Variants in KIF1B observed in about 807,000 individuals in gnomAD.
KIF1B encodes the protein kinesin family member 1B.
A neutral mutation model predicts 241.9 loss-of-function variants in KIF1B; 76 were observed. The ratio of observed to expected loss-of-function variants is 0.31; its 90% CI spans 0.26 to 0.38. The LOEUF (loss-of-function observed/expected upper bound fraction) is 0.38, where lower values mean the gene tolerates loss of function less well. Ranked by LOEUF, KIF1B falls within the 10% of genes least tolerant of loss-of-function variation. The probability of loss-of-function intolerance (pLI) is 1.00; values close to 1 mark genes in which losing one functional copy is unlikely to be tolerated. For synonymous variants in KIF1B, 750 were observed against 796.7 expected (o/e 0.94, Z 0.99); for missense variants, 1,622 against 2,271.4 (o/e 0.71, Z 5.81).
Position 10,294,591 on chromosome 1 carries a change from G to C in KIF1B, c.1591-495G>C, listed in dbSNP as rs1191205411. Among the ~76,000 whole-genome samples the C allele has an allele frequency of 2.0e-5, 3 of 152,166 alleles. No individual in the cohort carries two copies. In the East Asian group the frequency reaches 5.8e-4, roughly 29 times the overall value. On this transcript the variant is annotated intron_variant, in intron 17 of 48. Transcript: ENST00000676179. ...ACTCATGTTTTAAAATGGAATGCCA[G>C]GCACAGTGGCTCACTCCTATAGTCC...
intron 14 of KIF1B, among the ~76,000 whole-genome samples, 152 bp downstream of exon 14, chr1:10,279,290 G>T (rs1649283212): frequency 6.6e-6 from 1 of 152,068 alleles, no homozygotes; most frequent in East Asian, 1.9e-4. Context: ...TCCTATTTTT[G>T]CCCTTCTTCA....
intron 1 of KIF1B, among the ~76,000 whole-genome samples, chr1:10,218,893 A>G (rs1646803511): frequency 6.6e-6 from 1 of 152,180 alleles, no homozygotes; most frequent in Admixed American, 6.5e-5. Context: ...AAAGGATTTG[A>G]GCAGCTTACC....
intron 2 of KIF1B, among the ~76,000 whole-genome samples, chr1:10,232,760 C>T (rs375675267): frequency 5.5e-4 from 83 of 152,196 alleles, no homozygotes; most frequent in Non-Finnish European, 8.7e-4. Context: ...ATATACCTAT[C>T]GAGGCTGCAA....
intron 5 of KIF1B, 45 bp from the exon 6 acceptor site, chr1:10,267,335 G>C: frequency 6.3e-7 from 1 of 1,586,626 alleles, no homozygotes; most frequent in Non-Finnish European, 8.6e-7. Flanking sequence ...GCTTCTGTAT[G>C]TGATTTCTTT....
In KIF1B at chr1:10,303,628, G is replaced by A; in HGVS notation, c.2115+6382G>A. 1 of 1,614,228 alleles carries A rather than the reference G, an allele frequency of 6.2e-7. No homozygotes were observed. Among genetic ancestry groups the A allele is most frequent in the South Asian group, 1.1e-5 (1 of 91,076 alleles). ...CATGGCCACTGGGAAAGGCAGCACT[G>A]ATGTAGATGACCTCAAGGTTCATAT... On this transcript the variant is annotated intron_variant, in intron 22 of 48. Coordinates refer to ENST00000676179, the MANE Select transcript of KIF1B (RefSeq NM_001365951.3). This position sits in a 1 kb window ranked among gnomAD's most constrained non-coding sequence, Gnocchi z 5.2.
At chr1:10,279,571 G>T (rs1488811100) in intron 14 of KIF1B, among the ~76,000 whole-genome samples, 1 of 151,628 alleles carries the variant, frequency 6.6e-6, no homozygotes, top group Non-Finnish European at 1.5e-5. Flanking sequence ...TTTTTAGTCA[G>T]CAAAACTATC....
chr1:10,323,986 C>T lies in KIF1B; in HGVS notation c.2461C>T (p.Pro821Ser), dbSNP rs1381096991. 3.1e-6 allele frequency: 5 copies of T among 1,613,962 alleles called. No homozygotes were observed. Among genetic ancestry groups the T allele is most frequent in the Non-Finnish European group, 4.2e-6 (5 of 1,180,006 alleles). Residue 821 changes from proline (P) to serine (S), a missense_variant, in exon 25 of 49, where the codon CCT (proline) becomes TCT (serine). By Grantham distance (74) the Pro-to-Ser change is moderately conservative. Coordinates refer to ENST00000676179, the MANE Select transcript of KIF1B (RefSeq NM_001365951.3). ...MEKTHEDRPF[P>S]RTVVAVEVQD... ...AAAAACTCATGAGGACAGGCCTTTC[C>T]CTCGCACAGTGGTAGCAGTAGAAGT...
In KIF1B at chr1:10,296,877, A is replaced by C. The variant is rs751429277; in HGVS notation, c.1862-20A>C. ...ATTAAAAAAATTATTTCTTAACCCT[A>C]TTTTTCTGTTTTGTGCTAGGAAACC... On this transcript the variant is annotated intron_variant, in intron 20 of 48. Transcript: ENST00000676179. The C allele has an allele frequency of 6.2e-7, 1 of 1,610,404 alleles. No individual in the cohort carries two copies. The highest frequency in any genetic ancestry group is 1.7e-5 in the Admixed American group (1 of 59,936).
At position 10,320,152 on chromosome 1, in the gene KIF1B, C is replaced by A; in HGVS notation, c.2209+16C>A. On this transcript the variant is annotated intron_variant, in intron 23 of 48. Transcript: ENST00000676179. Reference sequence around the variant, plus strand: ...GAGGAAGAAGGTGAAATCTAGAGACCGAAAGTTTCCTGTGTATATCTTTTT... The same window carrying A: ...GAGGAAGAAGGTGAAATCTAGAGACAGAAAGTTTCCTGTGTATATCTTTTT... 1.3e-6 allele frequency: 2 copies of A among 1,537,340 alleles called. No homozygotes were observed. The highest frequency in any genetic ancestry group is 1.8e-6 in the Non-Finnish European group (2 of 1,111,248).
At chr1:10,220,728 T>C (rs1249185540) in intron 1 of KIF1B, among the ~76,000 whole-genome samples, 1 of 152,164 alleles carries the variant, frequency 6.6e-6, no homozygotes, top group African/African-American at 2.4e-5. Context: ...AATGGTATCA[T>C]CTTGGCTCAC....
At chr1:10,298,603 G>GTCACATC (rs1650382648) in intron 22 of KIF1B, among the ~76,000 whole-genome samples, 1 of 152,088 alleles carries the variant, frequency 6.6e-6, no homozygotes, top group Non-Finnish European at 1.5e-5. Flanking sequence ...GGCTTGAAAG[G>GTCACATC]TTTGTGACAC....
rs761028018 is a variant in KIF1B, at chr1:10,374,305, C to T, written c.4947-11C>T. The stretch of plus-strand genomic sequence containing the variant: ...TGTTACCCTTTTCTTTCTAATCTCT[C>T]TATTTTAAAGGACCCCAGAAGCCAA... On this transcript the variant is annotated splice_polypyrimidine_tract_variant and intron_variant, in intron 45 of 48. Coordinates refer to ENST00000676179, the MANE Select transcript of KIF1B (RefSeq NM_001365951.3). This position sits in a 1 kb window ranked among gnomAD's most constrained non-coding sequence, Gnocchi z 4.3. 1.2e-6 allele frequency: 2 copies of T among 1,613,324 alleles called. No homozygotes were observed. Among genetic ancestry groups the T allele is most frequent in the African/African-American group, 1.3e-5 (1 of 75,000 alleles).
chr1:10,320,715 C>CTTAT (rs58385105), intron 23 of KIF1B, among the ~76,000 whole-genome samples: 18 of 151,458 alleles, frequency 1.2e-4, no homozygotes, highest in South Asian at 2.1e-4. Context: ...TATTACATTT[C>CTTAT]TTATTTATTT....
chr1:10,375,990 A>G (rs2102365105), intron 48 of KIF1B, among the ~76,000 whole-genome samples: 1 of 149,684 alleles, frequency 6.7e-6, no homozygotes, highest in South Asian at 2.1e-4. Flanking sequence ...TTTAGTAGAG[A>G]TGGGGTTTCA....
At chr1:10,322,513 C>T (rs1237891579) in intron 24 of KIF1B, among the ~76,000 whole-genome samples, 1 of 152,240 alleles carries the variant, frequency 6.6e-6, no homozygotes, top group African/African-American at 2.4e-5. Flanking sequence ...CAAAACTTCA[C>T]ACCAAACCTT....
At chr1:10,285,010 C>T (rs2102237396) in intron 15 of KIF1B, among the ~76,000 whole-genome samples, 2 of 152,286 alleles carry the variant, frequency 1.3e-5, no homozygotes, top group Middle Eastern at 6.8e-3. Context: ...GTAACTTTTA[C>T]TGTTGGTAAA....
Position 10,278,061 on chromosome 1 carries a change from A to G in KIF1B, c.1113A>G (p.Glu371=), listed in dbSNP as rs1184915196. The G allele has an allele frequency of 1.2e-6, 2 of 1,614,116 alleles. No individual in the cohort carries two copies. Among genetic ancestry groups the G allele is most frequent in the Non-Finnish European group, 1.7e-6 (2 of 1,179,972 alleles). Residue 371 remains glutamate, a synonymous_variant, in exon 13 of 49, where the codon GAA becomes GAG. Transcript: ENST00000676179. ...ACCCCAATGCCAAACTGGTTCGTGA[A>G]TTAAAGGAGGAGGTGACACGGCTGA... ...NEDPNAKLVR[E]LKEEVTRLKD...
At chr1:10,291,056 CTT>C (rs746243300) in intron 15 of KIF1B, 24 bp from the exon 16 acceptor site, 2 of 1,589,598 alleles carry the variant, frequency 1.3e-6, no homozygotes, top group East Asian at 4.5e-5. Context: ...CTCTTTGCCT[CTT>C]TAACTGTGCG....
At chr1:10,249,639 C>G (rs967600398) in intron 2 of KIF1B, among the ~76,000 whole-genome samples, 4 of 152,172 alleles carry the variant, frequency 2.6e-5, no homozygotes, top group African/African-American at 9.7e-5. Flanking sequence ...CAGTGGCCCA[C>G]ACTTGTAATC....
Sources: gnomAD v4.1 joint callset for allele counts (sites outside exome capture counted in the v4.1 genomes callset) on GRCh38, gnomAD v4.1.1 for gene constraint, Gnocchi (gnomAD v3.1) non-coding constraint, MANE v1.5 for transcripts, NCBI Gene and HGNC (gene_info 2026-07-23, HGNC 2026-07-21) for gene names.